ITGA8: variants seen among roughly 807,000 people sequenced by gnomAD.
ITGA8 encodes the protein integrin subunit alpha 8.
Under a neutral mutation model 142.3 loss-of-function variants are expected in ITGA8, and 91 were observed. That is an observed-to-expected ratio of 0.64 (90% confidence interval 0.54 to 0.76). ITGA8 has a LOEUF of 0.76. Among genes scored for constraint, ITGA8 ranks in the 30% least tolerant of loss-of-function variants. ITGA8 has a pLI of 0.00. For synonymous variants in ITGA8, 505 were observed against 485.2 expected (o/e 1.04, Z -0.54); for missense variants, 1,406 against 1,327.7 (o/e 1.06, Z -0.92).
intron 23 of ITGA8, among the ~76,000 whole-genome samples, chr10:15,575,941 G>T (rs1396050900): frequency 1.6e-4 from 7 of 43,794 alleles, no homozygotes. Flanking sequence ...ATGTGAGAAC[G>T]TGTGTGTGTG....
intron 13 of ITGA8, among the ~76,000 whole-genome samples, chr10:15,638,240 G>A (rs889591232): frequency 2.0e-5 from 3 of 152,104 alleles, no homozygotes; most frequent in Non-Finnish European, 4.4e-5. Flanking sequence ...GGTTATTTGA[G>A]GTGCCGTGTT....
intron 12 of ITGA8, among the ~76,000 whole-genome samples, chr10:15,645,007 G>A (rs963444451): frequency 6.8e-6 from 1 of 146,334 alleles, no homozygotes; most frequent in Non-Finnish European, 1.5e-5. Context: ...GCAGAGAATT[G>A]CTTGAACCTG....
At chr10:15,576,166 G>C (rs538677057) in intron 23 of ITGA8, among the ~76,000 whole-genome samples, 1 of 152,088 alleles carries the variant, frequency 6.6e-6, no homozygotes, top group African/African-American at 2.4e-5. Context: ...TATTTCTTTG[G>C]CTTCCTGGGA....
intron 26 of ITGA8, among the ~76,000 whole-genome samples, chr10:15,552,657 T>C (rs1474521608): frequency 6.6e-6 from 1 of 152,188 alleles, no homozygotes; most frequent in Non-Finnish European, 1.5e-5. Context: ...CTACATTAGA[T>C]ATTCCTCCTA....
intron 27 of ITGA8, among the ~76,000 whole-genome samples, chr10:15,539,416 G>T (rs1160442391): frequency 1.3e-5 from 2 of 152,164 alleles, no homozygotes; most frequent in African/African-American, 2.4e-5. Context: ...TGTCAGCATT[G>T]TGGGTTGAGG....
intron 2 of ITGA8, among the ~76,000 whole-genome samples, chr10:15,707,205 T>C (rs1007671375): frequency 2.0e-5 from 3 of 152,108 alleles, no homozygotes; most frequent in African/African-American, 2.4e-5. Flanking sequence ...AGATTGCAAA[T>C]GGAATTAAGG....
intron 20 of ITGA8, among the ~76,000 whole-genome samples, chr10:15,598,514 G>C (rs1356196194): frequency 2.0e-5 from 3 of 152,230 alleles, no homozygotes; most frequent in Non-Finnish European, 4.4e-5. Flanking sequence ...GAATTCTGTA[G>C]GTAAACCACA....
chr10:15,636,735 A>G (rs1020497291), intron 13 of ITGA8, among the ~76,000 whole-genome samples: 5 of 151,954 alleles, frequency 3.3e-5, no homozygotes, highest in African/African-American at 1.2e-4. Context: ...TTCAATTTCC[A>G]CTGTCATTAC....
In ITGA8 at chr10:15,718,879, G is replaced by A. The variant is rs955497947; in HGVS notation, c.230C>T (p.Ala77Val). 1.9e-6 allele frequency: 3 copies of A among 1,613,996 alleles called. No homozygotes were observed. The highest frequency in any genetic ancestry group is 2.5e-6 in the Non-Finnish European group (3 of 1,180,026). ...GGGCTGGCTGGTGTTGGCTTTGGGC[G>A]CCCCCACCAAGACACTCGCTCTGCA... ...DARTASVLVG[A>V]PKANTSQPDI... Residue 77 changes from alanine to valine, a missense_variant, in exon 2 of 30, where the codon GCG becomes GTG. Transcript: ENST00000378076.
intron 23 of ITGA8, among the ~76,000 whole-genome samples, chr10:15,585,449 CG>C (rs1326557208): frequency 6.6e-6 from 1 of 152,186 alleles, no homozygotes; most frequent in Non-Finnish European, 1.5e-5. Context: ...GGCGCCCCAG[CG>C]GCACCAGGAC....
At chr10:15,662,326 CT>C (rs200922550) in intron 8 of ITGA8, among the ~76,000 whole-genome samples, 3,842 of 72,380 alleles carry the variant, frequency 0.053, 70 homozygotes, top group Non-Finnish European at 0.068. Flanking sequence ...TCAGAAGGTC[CT>C]TTTTTTTTTT....
chr10:15,565,989 G>A (rs1564354632), intron 25 of ITGA8, among the ~76,000 whole-genome samples: 1 of 152,092 alleles, frequency 6.6e-6, no homozygotes, highest in Non-Finnish European at 1.5e-5. Context: ...AGTAACGAGC[G>A]CCTGCATTCT....
intron 15 of ITGA8, among the ~76,000 whole-genome samples, chr10:15,608,736 G>C (rs1365488936): frequency 6.6e-6 from 1 of 152,132 alleles, no homozygotes; most frequent in Non-Finnish European, 1.5e-5. Context: ...TGAGCAAGAT[G>C]GCAAAGTTGT....
chr10:15,625,450 T>A (rs1462949873), intron 13 of ITGA8, among the ~76,000 whole-genome samples: 1 of 130,032 alleles, frequency 7.7e-6, no homozygotes, highest in Non-Finnish European at 1.7e-5. Context: ...GTGTGCCGTC[T>A]GTGCAATTGC....
intron 25 of ITGA8, among the ~76,000 whole-genome samples, chr10:15,569,465 C>T (rs994777526): frequency 9.2e-5 from 14 of 152,178 alleles, no homozygotes; most frequent in African/African-American, 2.2e-4. Flanking sequence ...TTCACTTCCC[C>T]GGTGAGTAAG....
intron 2 of ITGA8, among the ~76,000 whole-genome samples, chr10:15,706,015 G>C (rs1372758822): frequency 6.6e-6 from 1 of 152,102 alleles, no homozygotes; most frequent in Non-Finnish European, 1.5e-5. Context: ...CACTCCCTAA[G>C]TCATGGCCTT....
chr10:15,625,561 T>C (rs569458177), intron 13 of ITGA8, among the ~76,000 whole-genome samples: 1 of 152,204 alleles, frequency 6.6e-6, no homozygotes, highest in Non-Finnish European at 1.5e-5. Flanking sequence ...GCGTGATAGC[T>C]CACAAAGATG....
rs555006539 is a variant in ITGA8, at chr10:15,600,596, C to G, written c.2119-3297G>C. Among the ~76,000 whole-genome samples, 5 of 152,244 alleles carry G rather than the reference C, an allele frequency of 3.3e-5. No individual in the cohort carries two copies. In the South Asian group the frequency reaches 1.0e-3, roughly 32 times the overall value. Reference sequence around the variant, plus strand: ...GTGGGGGTGATATGATCAAGGGTCTCATGCATTATCTGACGGATTTGGATC... The same window carrying G: ...GTGGGGGTGATATGATCAAGGGTCTGATGCATTATCTGACGGATTTGGATC... On this transcript the variant is annotated intron_variant, in intron 20 of 29. Coordinates refer to ENST00000378076, the MANE Select transcript of ITGA8 (RefSeq NM_003638.3).
rs571751285 is a variant in ITGA8 at position 15,536,071 on chromosome 10, G to A, written c.2881-4920C>T. Among the ~76,000 whole-genome samples, 242 of 151,806 alleles carry A rather than the reference G, an allele frequency of 1.6e-3. 1 individual carries two copies. The highest frequency in any genetic ancestry group is 5.3e-3 in the African/African-American group (221 of 41,422). On this transcript the variant is annotated intron_variant, in intron 27 of 29. Coordinates refer to ENST00000378076, the MANE Select transcript of ITGA8 (RefSeq NM_003638.3). ...GAAGGAAGAAACTCTGAACACATCC[G>A]AACATCAGAAGGAACAAACTCTGGA...
Sources: allele counts gnomAD v4.1 joint callset (sites outside exome capture counted in the v4.1 genomes callset), GRCh38; gene constraint gnomAD v4.1.1; transcripts MANE v1.5; gene names NCBI Gene and HGNC (gene_info 2026-07-23, HGNC 2026-07-21).